Variants in FRY observed in about 807,000 individuals in gnomAD.
The protein encoded by FRY is protein furry homolog.
In FRY, 128 loss-of-function variants were observed where a neutral mutation model predicts 348.4. The ratio of observed to expected loss-of-function variants is 0.37; its 90% CI spans 0.32 to 0.43. FRY has a LOEUF of 0.43. Ranked by LOEUF, FRY falls within the 20% of genes least tolerant of loss-of-function variation. The pLI is 1.00. For synonymous variants in FRY, 1,370 were observed against 1,374.7 expected, an observed-to-expected ratio of 1.00 and a Z score of 0.08; for missense variants, 2,736 against 3,695.2, an observed-to-expected ratio of 0.74 and a Z score of 6.73.
At chr13:32,104,825 T>C (rs970819663) in intron 3 of FRY, among the ~76,000 whole-genome samples, 1 of 152,188 alleles carries the variant, frequency 6.6e-6, no homozygotes, top group Non-Finnish European at 1.5e-5. Context: ...GATGGTTTTA[T>C]AAAGAAGAGT....
chr13:32,124,977 G>C, intron 7 of FRY, 102 bp downstream of exon 7: 1 of 840,318 alleles, frequency 1.2e-6, no homozygotes, highest in South Asian at 1.3e-5. Context: ...AAGGAACTAG[G>C]TAGGGCTCTT....
intron 51 of FRY, among the ~76,000 whole-genome samples, chr13:32,256,309 T>C (rs1887334326): frequency 6.6e-6 from 1 of 152,066 alleles, no homozygotes. Flanking sequence ...TGAGGCATCC[T>C]AGAGGATCAC....
chr13:32,238,382 C>T (rs1379411540), intron 44 of FRY, among the ~76,000 whole-genome samples: 1 of 151,578 alleles, frequency 6.6e-6, no homozygotes, highest in Non-Finnish European at 1.5e-5. Flanking sequence ...CTGTTGGTTT[C>T]CTCTTGTTTT....
At chr13:32,238,023 T>G (rs1236569148) in intron 44 of FRY, 37 bp downstream of exon 44, 2 of 1,606,642 alleles carry the variant, frequency 1.2e-6, no homozygotes, top group African/African-American at 1.3e-5. Flanking sequence ...TCAATTCTGA[T>G]GGTGACTGTG....
In FRY at chr13:32,262,348, C is replaced by T; in HGVS notation, c.7652C>T (p.Pro2551Leu). 1 of 1,613,778 alleles carries T rather than the reference C, an allele frequency of 6.2e-7. No homozygotes were observed. The highest frequency in any genetic ancestry group is 8.5e-7 in the Non-Finnish European group (1 of 1,179,780). The change falls in exon 53 of 61, where the codon CCC becomes CTC. Residue 2551 changes from proline to leucine, a missense_variant. By Grantham distance (98) the Pro-to-Leu change is moderately conservative. This residue lies in a region of FRY where 789 missense variants were observed against 996.2 expected (regional missense o/e 0.79). Transcript: ENST00000542859. The stretch of plus-strand genomic sequence containing the variant: ...CTCTCCCCCTCTGAAGAGACGAATC[C>T]CATGGAGCTGCTCACCACAGCCTGT... Reference protein sequence around the residue: ...MTLSPSEETNPMELLTTACDS... With the variant: ...MTLSPSEETNLMELLTTACDS...
At chr13:32,289,468 G>A (rs375778374) in intron 58 of FRY, among the ~76,000 whole-genome samples, 165 bp from the exon 59 acceptor site, 2 of 152,028 alleles carry the variant, frequency 1.3e-5, no homozygotes, top group South Asian at 4.1e-4. Flanking sequence ...TTTCTCACTG[G>A]TATTTATTTA....
At chr13:32,231,408 A>G in intron 41 of FRY, 108 bp downstream of exon 41, 1 of 1,067,802 alleles carries the variant, frequency 9.4e-7, no homozygotes, top group Non-Finnish European at 1.4e-6. Context: ...CTCCACATCC[A>G]TAGCACGAGC....
chr13:32,261,521 C>T lies in FRY; in HGVS notation c.7417-95C>T, dbSNP rs758916446. ...ATGAGGGCCTAAGAGTTAATAATGA[C>T]AATATTTGTTCCCAAGCTATGACTA... is the stretch of plus-strand genomic sequence containing the variant. On this transcript the variant is annotated intron_variant, in intron 51 of 60. Transcript: ENST00000542859. The T allele has an allele frequency of 3.8e-6, 4 of 1,054,950 alleles. No individual in the cohort carries two copies. In the African/African-American group the frequency reaches 6.2e-5, roughly 16 times the overall value. The allele number at this position is 1,054,950 out of a possible 1,614,324, so 65.3% of individuals were successfully genotyped here.
At chr13:32,060,843 T>C (rs1306603107) in intron 1 of FRY, 1 of 317,636 alleles carries the variant, frequency 3.1e-6, no homozygotes, top group Non-Finnish European at 6.3e-6. Flanking sequence ...TGTCTTACTG[T>C]GCAGCTAAAA....
Position 32,270,281 on chromosome 13 carries a change from C to T in FRY, c.8136+2922C>T, listed in dbSNP as rs570068852. ...AGAGTGTAATGGCACGATCTCAGCTCACTGCAACTTCCACCTCCCAGGTTC... is the reference window on the plus strand; with the variant it reads ...AGAGTGTAATGGCACGATCTCAGCTTACTGCAACTTCCACCTCCCAGGTTC... On this transcript the variant is annotated intron_variant, in intron 55 of 60. Transcript: ENST00000542859. Among the ~76,000 whole-genome samples the T allele has an allele frequency of 4.0e-5, 6 of 150,942 alleles. No homozygotes were observed. In the East Asian group the frequency reaches 1.2e-3, roughly 29 times the overall value.
Position 32,289,681 on chromosome 13 carries a change from T to C in FRY, c.8518T>C (p.Leu2840=), listed in dbSNP as rs1889235359. The C allele has an allele frequency of 6.2e-7, 1 of 1,613,138 alleles. No homozygotes were observed. The highest frequency in any genetic ancestry group is 8.5e-7 in the Non-Finnish European group (1 of 1,179,180). Residue 2840 remains leucine, a synonymous_variant, in exon 59 of 61, where the codon TTG becomes CTG. Coordinates refer to ENST00000542859, the MANE Select transcript of FRY (RefSeq NM_023037.3). The part of the protein sequence containing the change: ...RLYKLHFQLL[L]LFQSYCKLIG... ...ATATAAGCTACACTTCCAGCTGCTA[T>C]TGCTTTTTCAGTCCTACTGTAAGCT...
chr13:32,238,236 A>G (rs1886316337), intron 44 of FRY, among the ~76,000 whole-genome samples: 1 of 152,152 alleles, frequency 6.6e-6, no homozygotes, highest in Non-Finnish European at 1.5e-5. Flanking sequence ...ATTTCTTTTT[A>G]GCTTTCCAGA....
At chr13:32,067,616 A>AG (rs1291131458) in intron 1 of FRY, among the ~76,000 whole-genome samples, 1 of 152,222 alleles carries the variant, frequency 6.6e-6, no homozygotes, top group African/African-American at 2.4e-5. Context: ...GATTTTGAAC[A>AG]AATGATGTTT....
At chr13:32,187,427 G>C in intron 27 of FRY, 119 bp from the exon 28 acceptor site, 2 of 702,436 alleles carry the variant, frequency 2.8e-6, no homozygotes, top group Non-Finnish European at 5.3e-6. Context: ...GGGGAAATAA[G>C]TGTCTTTAGA....
At chr13:32,074,501 G>A (rs1483289313) in intron 1 of FRY, among the ~76,000 whole-genome samples, 1 of 152,112 alleles carries the variant, frequency 6.6e-6, no homozygotes, top group African/African-American at 2.4e-5. Flanking sequence ...ACTTTTTAGA[G>A]ACATTGAGCT....
chr13:32,181,421 C>T (rs986200407), intron 23 of FRY, among the ~76,000 whole-genome samples: 2 of 150,696 alleles, frequency 1.3e-5, no homozygotes, highest in Admixed American at 1.3e-4. Context: ...ATGGTGAAAT[C>T]CCGTCTCTAT....
intron 17 of FRY, among the ~76,000 whole-genome samples, chr13:32,170,621 C>G (rs1882003682): frequency 6.6e-6 from 1 of 152,234 alleles, no homozygotes; most frequent in African/African-American, 2.4e-5. Context: ...ACTGCAACCT[C>G]AGCCTCCCAG....
chr13:32,111,663 A>G (rs1343409309), intron 3 of FRY, among the ~76,000 whole-genome samples: 3 of 152,206 alleles, frequency 2.0e-5, no homozygotes, highest in South Asian at 2.1e-4. Context: ...TGTGTTTTAC[A>G]GAACGCTCTT....
chr13:32,225,010 C>A lies in FRY; in HGVS notation c.4994C>A (p.Pro1665Gln). 1 of 1,605,586 alleles carries A rather than the reference C, an allele frequency of 6.2e-7. No individual in the cohort carries two copies. The highest frequency in any genetic ancestry group is 8.5e-7 in the Non-Finnish European group (1 of 1,172,204). Residue 1665 changes from proline (P) to glutamine (Q), a missense_variant, in exon 38 of 61, where the codon CCA becomes CAA. This residue lies in a region of FRY where 794 missense variants were observed against 977.0 expected (regional missense o/e 0.81). Coordinates refer to ENST00000542859, the MANE Select transcript of FRY (RefSeq NM_023037.3). ...CGAGAAGACTGGGCGCTTCATCTAC[C>A]ATTATTACTTCATGCTGTCTTCTTA... The part of the protein sequence containing the change: ...SVREDWALHL[P>Q]LLLHAVFLGL...
Sources: allele counts gnomAD v4.1 joint callset (sites outside exome capture counted in the v4.1 genomes callset), GRCh38; gene constraint gnomAD v4.1.1; regional missense constraint gnomAD v4.1.1; transcripts MANE v1.5; gene names NCBI Gene and HGNC (gene_info 2026-07-23, HGNC 2026-07-21).